Variants in MSH5 observed in about 807,000 individuals in gnomAD.
MSH5 encodes the protein mutS homolog 5.
MSH5 carries 78 observed loss-of-function variants against 107.7 expected under a neutral mutation model. That is an observed-to-expected ratio of 0.72 (90% confidence interval 0.60 to 0.87). The LOEUF is 0.87. Ranked by LOEUF, MSH5 falls within the 40% of genes least tolerant of loss-of-function variation. The pLI is 0.00. For synonymous variants in MSH5, 326 were observed against 399.5 expected (o/e 0.82, Z 2.19); for missense variants, 889 against 1,046.6 (o/e 0.85, Z 2.08).
chr6:31,762,377 T>C, intron 24 of MSH5, 43 bp from the exon 25 acceptor site: 1 of 1,469,420 alleles, frequency 6.8e-7, no homozygotes, highest in Non-Finnish European at 9.5e-7. Context: ...GGGATTTGGT[T>C]GTCCATTCTG....
Position 31,761,525 on chromosome 6 carries a change from ACCCACATGCC to A in MSH5, c.2099_2108del (p.Cys700SerfsTer8). ...TGCTCCGACACTGGCTGGCACGTGGACCCACATGCCCCCACATCTTTGTGGCCACCAACTT... is the reference window on the plus strand; with the variant it reads ...TGCTCCGACACTGGCTGGCACGTGGACCCACATCTTTGTGGCCACCAACTT... On this transcript the variant is annotated frameshift_variant, in exon 22 of 25. Coordinates refer to ENST00000375750, the MANE Select transcript of MSH5 (RefSeq NM_172166.4). LOFTEE classifies it high-confidence loss of function. The surrounding 1 kb of genome is among the most constrained non-coding windows in gnomAD (Gnocchi z 5.3). The A allele has an allele frequency of 6.2e-7, 1 of 1,613,668 alleles. No individual in the cohort carries two copies. The highest frequency in any genetic ancestry group is 2.2e-5 in the East Asian group (1 of 44,902).
chr6:31,759,457 T>C lies in MSH5; in HGVS notation c.1440T>C (p.Ser480=), dbSNP rs1810761937. 1 of 1,612,588 alleles carries C rather than the reference T, an allele frequency of 6.2e-7. No homozygotes were observed. ...FLSEEKLHYR[S]ARTKELDALL... is the part of the protein sequence containing the mutation. ...CAGAGGAGAAGCTGCACTATCGTAG[T>C]GCCCGAACCAAGGAGCTGGATGCAT... The change falls in exon 17 of 25, where the codon AGT becomes AGC. Residue 480 remains serine (S), a synonymous_variant. Coordinates refer to ENST00000375750, the MANE Select transcript of MSH5 (RefSeq NM_172166.4). This position sits in a 1 kb window ranked among gnomAD's most constrained non-coding sequence, Gnocchi z 4.7.
Position 31,761,669 on chromosome 6 carries a change from G to A in MSH5, c.2181+54G>A. 6.2e-7 allele frequency: 1 copy of A among 1,613,616 alleles called. No homozygotes were observed. Among genetic ancestry groups the A allele is most frequent in the Non-Finnish European group, 8.5e-7 (1 of 1,179,984 alleles). On this transcript the variant is annotated intron_variant, in intron 22 of 24. Transcript: ENST00000375750. This position sits in a 1 kb window ranked among gnomAD's most constrained non-coding sequence, Gnocchi z 5.3. ...ACCCCCAGGCTGGGCATTTCCCAGA[G>A]GTGGGGATTGGCTCCTCTATCAGAA...
Position 31,744,319 on chromosome 6 carries a change from C to T in MSH5, c.647+20C>T, listed in dbSNP as rs756685628. On this transcript the variant is annotated intron_variant, in intron 7 of 24. Coordinates refer to ENST00000375750, the MANE Select transcript of MSH5 (RefSeq NM_172166.4). ...TATGTTGTAGGTGATTCACCCCAACCCCAACCAAAGTAATGTGGGATTGGG... is the reference window on the plus strand; with the variant it reads ...TATGTTGTAGGTGATTCACCCCAACTCCAACCAAAGTAATGTGGGATTGGG... The T allele has an allele frequency of 2.5e-6, 4 of 1,613,756 alleles. No individual in the cohort carries two copies. The East Asian group carries it at 8.9e-5, about 36-fold the overall frequency.
At chr6:31,747,910 A>G (rs1380231046) in intron 10 of MSH5, among the ~76,000 whole-genome samples, 3 of 152,084 alleles carry the variant, frequency 2.0e-5, no homozygotes, top group Non-Finnish European at 4.4e-5. Flanking sequence ...AGACTAAGGC[A>G]GGAGAATCGC....
chr6:31,754,515 G>A (rs770037269), intron 12 of MSH5, among the ~76,000 whole-genome samples: 3 of 151,956 alleles, frequency 2.0e-5, no homozygotes, highest in East Asian at 1.9e-4. Context: ...TTTTGTTGTC[G>A]TTTGTTTGTT....
At chr6:31,753,887 G>A (rs1211141445) in intron 12 of MSH5, 2 of 412,420 alleles carry the variant, frequency 4.8e-6, no homozygotes, top group Non-Finnish European at 9.1e-6. Flanking sequence ...CACCATGCCT[G>A]GCAAATTTTT....
At chr6:31,748,146 A>T (rs957443819) in intron 10 of MSH5, among the ~76,000 whole-genome samples, 33 of 152,188 alleles carry the variant, frequency 2.2e-4, no homozygotes, top group Non-Finnish European at 4.3e-4. Flanking sequence ...TTAATTGCAT[A>T]TCACCACCTG....
At position 31,740,811 on chromosome 6, in the gene MSH5, A is replaced by G. The variant is rs969216776; in HGVS notation, c.147+198A>G. Among the ~76,000 whole-genome samples, 2 of 152,086 alleles carry G rather than the reference A, an allele frequency of 1.3e-5. No individual in the cohort carries two copies. Among genetic ancestry groups the G allele is most frequent in the Non-Finnish European group, 2.9e-5 (2 of 67,992 alleles). On this transcript the variant is annotated intron_variant, in intron 2 of 24. Transcript: ENST00000375750. This position sits in a 1 kb window ranked among gnomAD's most constrained non-coding sequence, Gnocchi z 4.4. ...CCCCGTCTCTACTAAAAATATAAAA[A>G]TTAGCCGAGCGTGGTGGCACGTGCC...
Position 31,761,061 on chromosome 6 carries a change from C to T in MSH5, c.1963-127C>T. 1 of 1,047,714 alleles carries T rather than the reference C, an allele frequency of 9.5e-7. No homozygotes were observed. The highest frequency in any genetic ancestry group is 2.3e-5 in the Admixed American group (1 of 43,398). The allele number at this position is 1,047,714 out of a possible 1,614,324, so 64.9% of individuals were successfully genotyped here. On this transcript the variant is annotated intron_variant, in intron 20 of 24. Coordinates refer to ENST00000375750, the MANE Select transcript of MSH5 (RefSeq NM_172166.4). The surrounding 1 kb of genome is among the most constrained non-coding windows in gnomAD (Gnocchi z 5.3). ...CAAAGAGGATGAACAAAGCGTGCAC[C>T]TCACCATTCAAGAACTTGCAGTGCA...
At position 31,762,508 on chromosome 6, in the gene MSH5, C is replaced by A; in HGVS notation, c.2482C>A (p.Pro828Thr). ...CGTTTTCATGAGCCAGGAAGTGCTG[C>A]CTGCTGCCACCAGCATCCTCTGAGA... ...LNVFMSQEVL[P>T]AATSIL is the part of the protein sequence containing the mutation. Residue 828 changes from proline (P) to threonine (T), a missense_variant, in exon 25 of 25, where the codon CCT becomes ACT. By Grantham distance (38) the Pro-to-Thr change is conservative (BLOSUM62 -1). Coordinates refer to ENST00000375750, the MANE Select transcript of MSH5 (RefSeq NM_172166.4). The A allele has an allele frequency of 6.2e-7, 1 of 1,613,622 alleles. No homozygotes were observed. Among genetic ancestry groups the A allele is most frequent in the Non-Finnish European group, 8.5e-7 (1 of 1,179,556 alleles).
chr6:31,740,427 A>C lies in MSH5; in HGVS notation c.-13-27A>C. 1 of 1,542,684 alleles carries C rather than the reference A, an allele frequency of 6.5e-7. No homozygotes were observed. Among genetic ancestry groups the C allele is most frequent in the Non-Finnish European group, 8.7e-7 (1 of 1,143,366 alleles). On this transcript the variant is annotated intron_variant, in intron 1 of 24. Transcript: ENST00000375750. The surrounding 1 kb of genome is among the most constrained non-coding windows in gnomAD (Gnocchi z 4.4). ...CCTCCTCTGTGAATCGTTGCTTCCG[A>C]ACCGCCCTCACTTTTTGCATCCGCA...
In MSH5 at chr6:31,740,566, AG is replaced by A; in HGVS notation, c.103del (p.Glu35ArgfsTer76). On this transcript the variant is annotated frameshift_variant, in exon 2 of 25. Transcript: ENST00000375750. LOFTEE classifies it high-confidence loss of function. The surrounding 1 kb of genome is among the most constrained non-coding windows in gnomAD (Gnocchi z 4.4). Reference sequence around the variant, plus strand: ...CAGCCCGGCCCCAGTGCCGGGCCCCAGGGAGGCCGAGGAGGAGGAAGTCGAG... The same window carrying A: ...CAGCCCGGCCCCAGTGCCGGGCCCCAGGAGGCCGAGGAGGAGGAAGTCGAG... ...FPSPAPVPGP[R>X]EAEEEEVEEE... 6.6e-7 allele frequency: 1 copy of A among 1,517,258 alleles called. No individual in the cohort carries two copies. Among genetic ancestry groups the A allele is most frequent in the Non-Finnish European group, 8.8e-7 (1 of 1,135,270 alleles). The allele number at this position is 1,517,258 out of a possible 1,614,324, so 94.0% of individuals were successfully genotyped here.
chr6:31,743,875 C>T (rs187068886), intron 5 of MSH5, 29 bp from the exon 6 acceptor site: 12 of 1,610,640 alleles, frequency 7.5e-6, no homozygotes, highest in East Asian at 2.2e-5. Context: ...GCTACAAGAC[C>T]GTTCCCTTTG....
chr6:31,745,401 C>T, intron 9 of MSH5, 82 bp downstream of exon 9: 2 of 932,432 alleles, frequency 2.1e-6, no homozygotes, highest in Admixed American at 4.1e-5. Context: ...CCCAGCCTCC[C>T]TTCCCACTTC....
chr6:31,760,027 T>G lies in MSH5; in HGVS notation c.1685+52T>G. ...AGACATGAGGGGCCCAAAGGCTACA[T>G]CTTCTGGGGGTTCATCTATCTTGAT... On this transcript the variant is annotated intron_variant, in intron 18 of 24. Coordinates refer to ENST00000375750, the MANE Select transcript of MSH5 (RefSeq NM_172166.4). This position sits in a 1 kb window ranked among gnomAD's most constrained non-coding sequence, Gnocchi z 5.6. The G allele has an allele frequency of 1.2e-6, 2 of 1,610,924 alleles. No homozygotes were observed. Among genetic ancestry groups the G allele is most frequent in the Non-Finnish European group, 1.7e-6 (2 of 1,177,948 alleles).
intron 4 of MSH5, 66 bp from the exon 5 acceptor site, chr6:31,743,042 A>G: frequency 6.2e-7 from 1 of 1,609,156 alleles, no homozygotes. Context: ...GGTGAGAGGG[A>G]GTGTCAGACA....
intron 12 of MSH5, 66 bp downstream of exon 12, chr6:31,753,695 CTG>C: frequency 7.0e-7 from 1 of 1,428,692 alleles, no homozygotes; most frequent in Non-Finnish European, 9.9e-7. Context: ...TCCAGACTGT[CTG>C]TACCCTAGAC....
Position 31,760,132 on chromosome 6 carries a change from C to G in MSH5, c.1728C>G (p.Asn576Lys). ...MELCARTFVP[N>K]STECGGDKGR... ...TCTGTGCCCGAACCTTTGTGCCCAA[C>G]TCCACAGAATGTGGTGGGGACAAAG... The change falls in exon 19 of 25, where the codon AAC (asparagine) becomes AAG (lysine). Residue 576 changes from asparagine (N) to lysine (K), a missense_variant. Physicochemically the swap from Asn to Lys is moderately conservative, Grantham distance 94 (BLOSUM62 0). Coordinates refer to ENST00000375750, the MANE Select transcript of MSH5 (RefSeq NM_172166.4). This position sits in a 1 kb window ranked among gnomAD's most constrained non-coding sequence, Gnocchi z 5.6. The G allele has an allele frequency of 6.2e-7, 1 of 1,610,236 alleles. No homozygotes were observed. Among genetic ancestry groups the G allele is most frequent in the Non-Finnish European group, 8.5e-7 (1 of 1,178,110 alleles).
Sources: allele counts gnomAD v4.1 joint callset (sites outside exome capture counted in the v4.1 genomes callset), GRCh38; gene constraint gnomAD v4.1.1; non-coding constraint Gnocchi (gnomAD v3.1); transcripts MANE v1.5; gene names NCBI Gene and HGNC (gene_info 2026-07-23, HGNC 2026-07-21).